RBFOX1: variants seen among roughly 807,000 people sequenced by gnomAD.
RBFOX1 encodes RNA binding protein fox-1 homolog 1.
Under a neutral mutation model 57.7 loss-of-function variants are expected in RBFOX1, and 8 were observed. That is an observed-to-expected ratio of 0.14 (90% CI 0.08 to 0.25). The LOEUF (loss-of-function observed/expected upper bound fraction) is 0.25, where lower values mean the gene tolerates loss of function less well. Ranked by LOEUF, RBFOX1 falls within the 10% of genes least tolerant of loss-of-function variation. The pLI is 1.00. For missense variants in RBFOX1, 611 were observed against 548.5 expected (o/e 1.11, Z -1.14); for synonymous variants, 326 against 222.4 (o/e 1.47, Z -4.15).
intron 1 of RBFOX1, among the ~76,000 whole-genome samples, chr16:5,399,049 A>G (rs539999093): frequency 3.9e-5 from 6 of 152,304 alleles, no homozygotes; most frequent in East Asian, 1.9e-4. Context: ...CCTTTCCTCC[A>G]GACCCCTTCT....
chr16:7,172,255 A>T (rs529525399), intron 4 of RBFOX1, among the ~76,000 whole-genome samples: 1 of 152,314 alleles, frequency 6.6e-6, no homozygotes, highest in African/African-American at 2.4e-5. Context: ...TTACCACCAT[A>T]GGGTTTTCAA....
chr16:7,115,263 C>T (rs563713071), intron 4 of RBFOX1, among the ~76,000 whole-genome samples: 14 of 152,182 alleles, frequency 9.2e-5, no homozygotes, highest in African/African-American at 2.9e-4. Flanking sequence ...TGGTGGCCTC[C>T]GGTCACTCAT....
intron 4 of RBFOX1, among the ~76,000 whole-genome samples, chr16:5,968,964 C>T (rs974349661): frequency 6.6e-6 from 1 of 151,794 alleles, no homozygotes; most frequent in East Asian, 1.9e-4. Flanking sequence ...TATATTTTCT[C>T]CCTTTTCTCT....
intron 4 of RBFOX1, among the ~76,000 whole-genome samples, chr16:7,346,396 C>A (rs530409849): frequency 5.9e-5 from 9 of 151,944 alleles, no homozygotes; most frequent in Non-Finnish European, 1.0e-4. Flanking sequence ...CAAGTAGGAG[C>A]TTCATTAAGG....
At chr16:6,068,233 C>A (rs1207410844) in intron 1 of RBFOX1, among the ~76,000 whole-genome samples, 3 of 152,258 alleles carry the variant, frequency 2.0e-5, no homozygotes, top group East Asian at 3.9e-4. Context: ...AGCTCCCTGG[C>A]AGCTTGGGAA....
At chr16:7,383,548 C>G (rs564108834) in intron 4 of RBFOX1, among the ~76,000 whole-genome samples, 6 of 152,264 alleles carry the variant, frequency 3.9e-5, no homozygotes, top group Admixed American at 6.5e-5. Context: ...TCAGGAAATA[C>G]TTTCCTGACA....
intron 2 of RBFOX1, among the ~76,000 whole-genome samples, chr16:6,462,093 A>AG (rs1366177396): frequency 1.3e-5 from 2 of 152,116 alleles, no homozygotes; most frequent in Non-Finnish European, 2.9e-5. Flanking sequence ...TCCAGAGACA[A>AG]TTTCATCCTT....
rs28610524 is a variant in RBFOX1, at chr16:5,270,107, C to G, written c.219+30002C>G. The G allele has an allele frequency of 1.2e-3, 297 of 245,804 alleles. 1 individual carries two copies. The highest frequency in any genetic ancestry group is 6.5e-3 in the African/African-American group (285 of 43,586). The allele number at this position is 245,804 out of a possible 1,614,324, so 15.2% of individuals were successfully genotyped here. A position where few individuals can be genotyped will look rare whatever the true frequency, so the allele number is the denominator to read the frequency against. ...ATCAGGAGTTCAAGACCAGCCTGGC[C>G]AAAATGGTGAAACCCTGTCTCTACC... On this transcript the variant is annotated intron_variant, in intron 1 of 2. Coordinates refer to the RBFOX1 transcript ENST00000585867.
intron 11 of RBFOX1, among the ~76,000 whole-genome samples, chr16:7,647,232 G>A (rs1273142441): frequency 1.3e-5 from 2 of 152,158 alleles, no homozygotes; most frequent in Non-Finnish European, 2.9e-5. Context: ...TGGGTGGGCT[G>A]GAAATTCTCA....
chr16:6,571,274 A>G (rs1004062459), intron 2 of RBFOX1, among the ~76,000 whole-genome samples: 2 of 152,158 alleles, frequency 1.3e-5, no homozygotes, highest in African/African-American at 4.8e-5. Context: ...TGAGGGCCTG[A>G]GAACCACAGC....
At chr16:6,895,838 C>G (rs2066765403) in intron 3 of RBFOX1, among the ~76,000 whole-genome samples, 1 of 152,002 alleles carries the variant, frequency 6.6e-6, no homozygotes. Flanking sequence ...CTCTTGGGAT[C>G]AGTGTTACCA....
At chr16:7,479,715 A>G (rs980023188) in intron 4 of RBFOX1, among the ~76,000 whole-genome samples, 2 of 151,736 alleles carry the variant, frequency 1.3e-5, no homozygotes, top group African/African-American at 4.8e-5. Flanking sequence ...GGGCACCTGG[A>G]GGGGGGGCAG....
At chr16:5,305,839 C>T (rs1046926395) in intron 1 of RBFOX1, among the ~76,000 whole-genome samples, 3 of 152,232 alleles carry the variant, frequency 2.0e-5, no homozygotes, top group Admixed American at 6.5e-5. Flanking sequence ...GGGGGGATTG[C>T]TTGAGCCTAG....
At chr16:6,944,410 AAAAAAGAAAG>A (rs948844182) in intron 3 of RBFOX1, among the ~76,000 whole-genome samples, 3 of 151,702 alleles carry the variant, frequency 2.0e-5, no homozygotes, top group African/African-American at 7.2e-5. Context: ...AAAAAAAAAA[AAAAAAGAAAG>A]AAAAGAAAAA....
At chr16:7,449,800 C>T (rs2098837615) in intron 4 of RBFOX1, among the ~76,000 whole-genome samples, 1 of 148,340 alleles carries the variant, frequency 6.7e-6, no homozygotes, top group Non-Finnish European at 1.5e-5. Flanking sequence ...AACACTGCTT[C>T]TGTGACATAA....
At position 7,065,433 on chromosome 16, in the gene RBFOX1, C is replaced by A. The variant is rs954122663; in HGVS notation, c.27+13335C>A. Among the ~76,000 whole-genome samples, 4 of 152,180 alleles carry A rather than the reference C, an allele frequency of 2.6e-5. No homozygotes were observed. In the East Asian group the frequency reaches 5.8e-4, roughly 22 times the overall value. ...CCTGCCTCGTTCCTCTGTCCACATG[C>A]TCCATGGTTTTGCATGGGTTTTTCT... On this transcript the variant is annotated intron_variant, in intron 4 of 15. Transcript: ENST00000550418.
intron 1 of RBFOX1, among the ~76,000 whole-genome samples, chr16:6,058,250 C>A (rs1392958665): frequency 6.6e-6 from 1 of 151,830 alleles, no homozygotes; most frequent in Non-Finnish European, 1.5e-5. Flanking sequence ...TTAATCCCTG[C>A]CCCTATTCTC....
At chr16:6,641,259 G>T (rs1188158275) in intron 2 of RBFOX1, among the ~76,000 whole-genome samples, 1 of 152,124 alleles carries the variant, frequency 6.6e-6, no homozygotes, top group East Asian at 1.9e-4. Context: ...TCACATTCCT[G>T]TTGACGTCAG....
chr16:7,394,552 G>T (rs904926964), intron 4 of RBFOX1, among the ~76,000 whole-genome samples: 2 of 152,036 alleles, frequency 1.3e-5, no homozygotes, highest in African/African-American at 4.8e-5. Context: ...ATCTTCTTGC[G>T]TTTCCATTTA....
Sources: allele counts gnomAD v4.1 joint callset (sites outside exome capture counted in the v4.1 genomes callset), GRCh38; gene constraint gnomAD v4.1.1; transcripts MANE v1.5; gene names NCBI Gene and HGNC (gene_info 2026-07-23, HGNC 2026-07-21).